Variants in NPR3 observed in about 807,000 individuals in gnomAD.
NPR3 encodes natriuretic peptide receptor 3.
NPR3 carries 34 observed loss-of-function variants against 54.5 expected under a neutral mutation model. That is an observed-to-expected ratio of 0.62 (90% CI 0.47 to 0.83). The LOEUF (loss-of-function observed/expected upper bound fraction) is 0.83. Ranked by LOEUF, NPR3 falls within the 40% of genes least tolerant of loss-of-function variation. The pLI, the probability that NPR3 is intolerant of heterozygous loss-of-function variation, is 0.00. For synonymous variants in NPR3, 289 were observed against 297.1 expected, an observed-to-expected ratio of 0.97 and a Z score of 0.28; for missense variants, 674 against 720.8, an observed-to-expected ratio of 0.94 and a Z score of 0.74.
chr5:32,701,938 G>A (rs55722826), intron 1 of NPR3, among the ~76,000 whole-genome samples: 203 of 152,296 alleles, frequency 1.3e-3, no homozygotes, highest in Non-Finnish European at 2.2e-3. Flanking sequence ...AAGTATCTCT[G>A]TTGTGGCCAC....
chr5:32,714,188 C>A (rs558007013), intron 1 of NPR3, among the ~76,000 whole-genome samples: 1 of 152,204 alleles, frequency 6.6e-6, no homozygotes, highest in African/African-American at 2.4e-5. Flanking sequence ...GGTGTGTCCC[C>A]CTATGGGCGA....
intron 3 of NPR3, among the ~76,000 whole-genome samples, chr5:32,773,727 G>A (rs183374876): frequency 5.9e-5 from 9 of 152,164 alleles, no homozygotes; most frequent in Admixed American, 5.2e-4. Flanking sequence ...AACAGACTTC[G>A]AACACAGCAC....
chr5:32,746,127 G>T (rs1740285283), intron 3 of NPR3, among the ~76,000 whole-genome samples: 1 of 152,234 alleles, frequency 6.6e-6, no homozygotes, highest in Admixed American at 6.5e-5. Context: ...TGTGGCATAT[G>T]TGTGAAAATA....
rs962115140 is a variant in NPR3 at position 32,786,262 on chromosome 5, C to A, written c.1543C>A (p.Arg515=). The A allele has an allele frequency of 1.3e-6, 2 of 1,560,282 alleles. No individual in the cohort carries two copies. The highest frequency in any genetic ancestry group is 1.8e-6 in the Non-Finnish European group (2 of 1,137,344). The part of the protein sequence containing the change: ...RKKYRITIER[R]TQQEESNLGK... ...GAAATACAGAATAACCATTGAGAGG[C>A]GAACCCAGCAAGAAGAAAGTAACCT... Residue 515 remains arginine (R), a synonymous_variant, in exon 8 of 8, where the codon CGA becomes AGA. Transcript: ENST00000265074.
chr5:32,742,604 T>A (rs183742680), intron 3 of NPR3, among the ~76,000 whole-genome samples: 36 of 152,312 alleles, frequency 2.4e-4, no homozygotes, highest in African/African-American at 8.7e-4. Context: ...GATCCCAATA[T>A]GTATTAAACA....
chr5:32,748,959 C>G (rs1007936163), intron 3 of NPR3, among the ~76,000 whole-genome samples: 1 of 151,960 alleles, frequency 6.6e-6, no homozygotes, highest in African/African-American at 2.4e-5. Flanking sequence ...ACCTTCCAGC[C>G]TATTTATTGA....
intron 1 of NPR3, among the ~76,000 whole-genome samples, chr5:32,697,987 A>G (rs1383447874): frequency 1.3e-5 from 2 of 151,388 alleles, no homozygotes; most frequent in Non-Finnish European, 3.0e-5. Flanking sequence ...TGTTTCATTT[A>G]TTTCTGCTCT....
chr5:32,705,407 G>A (rs182061003), upstream of NPR3, among the ~76,000 whole-genome samples: 76 of 152,178 alleles, frequency 5.0e-4, 1 homozygote, highest in Non-Finnish European at 1.0e-3. Flanking sequence ...AAGAAAAGAG[G>A]TTTAATTGGC....
At chr5:32,703,190 A>T (rs749536262) in intron 1 of NPR3, among the ~76,000 whole-genome samples, 1 of 152,100 alleles carries the variant, frequency 6.6e-6, no homozygotes, top group Non-Finnish European at 1.5e-5. Context: ...CTTGTCATAA[A>T]TGCTGGGCCT....
intron 1 of NPR3, chr5:32,716,368 C>CT (rs34628434): frequency 0.36 from 140,642 of 388,338 alleles, 12,962 homozygotes; most frequent in African/African-American, 0.43. Flanking sequence ...TAACATGCTA[C>CT]TTTTTTTTTT....
intron 1 of NPR3, among the ~76,000 whole-genome samples, 199 bp from the exon 2 acceptor site, chr5:32,724,499 T>A (rs1455617531): frequency 6.6e-6 from 1 of 152,210 alleles, no homozygotes; most frequent in Non-Finnish European, 1.5e-5. Context: ...TGGTTGGTGA[T>A]GTTGGCTTCC....
chr5:32,768,854 G>A (rs897097669), intron 3 of NPR3, among the ~76,000 whole-genome samples: 3 of 152,110 alleles, frequency 2.0e-5, no homozygotes, highest in Admixed American at 1.3e-4. Flanking sequence ...AACTTCAGTC[G>A]GGGGAGCAAG....
chr5:32,724,022 T>C (rs1373601569), intron 1 of NPR3, among the ~76,000 whole-genome samples: 1 of 152,214 alleles, frequency 6.6e-6, no homozygotes, highest in Non-Finnish European at 1.5e-5. Context: ...AGAATCATGC[T>C]TATTTACCCC....
chr5:32,719,991 T>C (rs1738769036), intron 1 of NPR3, among the ~76,000 whole-genome samples: 1 of 152,220 alleles, frequency 6.6e-6, no homozygotes, highest in Non-Finnish European at 1.5e-5. Flanking sequence ...ATGGAGAATA[T>C]GAATATATCC....
At chr5:32,736,553 A>T (rs973192464) in intron 2 of NPR3, among the ~76,000 whole-genome samples, 18 of 152,326 alleles carry the variant, frequency 1.2e-4, no homozygotes, top group African/African-American at 4.1e-4. Context: ...AAAATGAATC[A>T]ATAACTATTT....
upstream of NPR3, chr5:32,709,861 T>C (rs992970560): frequency 7.2e-5 from 11 of 152,286 alleles, no homozygotes; most frequent in African/African-American, 2.6e-4. Flanking sequence ...ACGCAGCGTC[T>C]GGGACTGCGG....
At chr5:32,772,706 G>A (rs1184006642) in intron 3 of NPR3, among the ~76,000 whole-genome samples, 1 of 152,156 alleles carries the variant, frequency 6.6e-6, no homozygotes, top group African/African-American at 2.4e-5. Context: ...TCCATCTCTA[G>A]ACAATTACAG....
intron 3 of NPR3, among the ~76,000 whole-genome samples, chr5:32,768,792 T>C (rs991182368): frequency 1.3e-5 from 2 of 152,188 alleles, no homozygotes; most frequent in African/African-American, 4.8e-5. Context: ...GAGTCCACGA[T>C]GGGGACAGTT....
At chr5:32,713,034 G>C in intron 1 of NPR3, 3 of 378,594 alleles carry the variant, frequency 7.9e-6, no homozygotes, top group Non-Finnish European at 1.1e-5. Flanking sequence ...CCGCTCTTGG[G>C]GTTTCTCTGA....
Sources: allele counts gnomAD v4.1 joint callset (sites outside exome capture counted in the v4.1 genomes callset), GRCh38; gene constraint gnomAD v4.1.1; transcripts MANE v1.5; gene names NCBI Gene and HGNC (gene_info 2026-07-23, HGNC 2026-07-21).